The following STK32C variants were observed in gnomAD, a reference collection of about 807,000 sequenced individuals.
STK32C encodes serine/threonine kinase 32C, also known as serine/threonine-protein kinase 32C.
A neutral mutation model predicts 56.5 loss-of-function variants in STK32C; 31 were observed. That is an observed-to-expected ratio of 0.55 (90% CI 0.41 to 0.74). The LOEUF (loss-of-function observed/expected upper bound fraction) is 0.74, where lower values mean the gene tolerates loss of function less well. Among genes scored for constraint, STK32C ranks in the 30% least tolerant of loss-of-function variants. STK32C has a pLI of 0.00. For missense variants in STK32C, 544 were observed against 676.9 expected (o/e 0.80, Z 2.18); for synonymous variants, 309 against 289.4 (o/e 1.07, Z -0.69).
intron 1 of STK32C, among the ~76,000 whole-genome samples, chr10:132,272,327 C>T (rs1189518417): frequency 6.6e-6 from 1 of 152,248 alleles, no homozygotes; most frequent in African/African-American, 2.4e-5. Flanking sequence ...CCTGCCGGCG[C>T]GTGGTCTCGG....
At chr10:132,316,146 G>A (rs2066305198) in intron 1 of STK32C, among the ~76,000 whole-genome samples, 1 of 152,014 alleles carries the variant, frequency 6.6e-6, no homozygotes, top group African/African-American at 2.4e-5. Flanking sequence ...GAAACATCTT[G>A]TTGCATGCCA....
intron 1 of STK32C, among the ~76,000 whole-genome samples, chr10:132,328,276 G>A (rs369133268): frequency 1.4e-4 from 22 of 152,182 alleles, no homozygotes; most frequent in Non-Finnish European, 2.1e-4. Flanking sequence ...ATAGGGGGTC[G>A]AAGTGAGGTT....
At chr10:132,250,988 T>G (rs1291897751) in intron 1 of STK32C, among the ~76,000 whole-genome samples, 1 of 152,174 alleles carries the variant, frequency 6.6e-6, no homozygotes, top group Non-Finnish European at 1.5e-5. Flanking sequence ...GCGGTCTGCA[T>G]AGCAGAGGCC....
At chr10:132,266,199 G>A (rs2064518130) in intron 1 of STK32C, among the ~76,000 whole-genome samples, 1 of 152,224 alleles carries the variant, frequency 6.6e-6, no homozygotes, top group African/African-American at 2.4e-5. Context: ...GAATCTCAAA[G>A]GTGTTACATT....
chr10:132,317,000 CAAA>C (rs71472739), intron 1 of STK32C, among the ~76,000 whole-genome samples: 3 of 81,718 alleles, frequency 3.7e-5, no homozygotes, highest in Non-Finnish European at 4.6e-5. Context: ...GACTCCATCT[CAAA>C]AAAAAAAAAA....
At chr10:132,212,787 C>A (rs774875276) in intron 10 of STK32C, among the ~76,000 whole-genome samples, 1 of 152,218 alleles carries the variant, frequency 6.6e-6, no homozygotes, top group Non-Finnish European at 1.5e-5. Flanking sequence ...CCCATCCCTG[C>A]GACAGGAAAA....
In STK32C at chr10:132,225,788, G is replaced by A. The variant is rs780553581; in HGVS notation, c.645-4C>T. Reference sequence around the variant, plus strand: ...AATGTTGTCAGGCTTGACATCTCTAGAAAGAGCAGAAAGTGGGAAGGTGAG... The same window carrying A: ...AATGTTGTCAGGCTTGACATCTCTAAAAAGAGCAGAAAGTGGGAAGGTGAG... On this transcript the variant is annotated splice_polypyrimidine_tract_variant and splice_region_variant and intron_variant, in intron 4 of 11. Coordinates refer to ENST00000298630, the MANE Select transcript of STK32C (RefSeq NM_173575.4). 2.5e-6 allele frequency: 4 copies of A among 1,614,032 alleles called. No individual in the cohort carries two copies. The highest frequency in any genetic ancestry group is 3.4e-6 in the Non-Finnish European group (4 of 1,180,010).
exon 1 of STK32C, chr10:132,331,828 C>A (rs1188567619): frequency 6.5e-7 from 1 of 1,542,290 alleles, no homozygotes; most frequent in Non-Finnish European, 8.8e-7. Flanking sequence ...CCCTTCAAGG[C>A]CGCGGGCGCG....
At chr10:132,232,710 C>T (rs956359464) in intron 2 of STK32C, among the ~76,000 whole-genome samples, 6 of 151,890 alleles carry the variant, frequency 4.0e-5, no homozygotes, top group East Asian at 1.9e-4. Flanking sequence ...TCCTATGAAA[C>T]GCCACTGATG....
chr10:132,316,018 T>C (rs1374176207), intron 1 of STK32C, among the ~76,000 whole-genome samples: 1 of 152,168 alleles, frequency 6.6e-6, no homozygotes, highest in Non-Finnish European at 1.5e-5. Flanking sequence ...TAATAAAATG[T>C]ATGAGATGCA....
intron 1 of STK32C, among the ~76,000 whole-genome samples, chr10:132,258,688 C>CTT (rs2064206903): frequency 6.6e-6 from 1 of 152,238 alleles, no homozygotes. Context: ...TCCACGCTGA[C>CTT]GCTGTGAGGG....
rs201250732 is a variant in STK32C at position 132,225,626 on chromosome 10, G to C, written c.683-10C>G. 2.5e-5 allele frequency: 41 copies of C among 1,610,500 alleles called. No individual in the cohort carries two copies. In the East Asian group the frequency reaches 8.3e-4, roughly 32 times the overall value. The stretch of plus-strand genomic sequence containing the variant: ...GTCAGGTGTGCATGTCCTGTGCAGA[G>C]AGGGGTCAGGTGTGGCTGTCCCAGG... On this transcript the variant is annotated splice_polypyrimidine_tract_variant and intron_variant, in intron 5 of 11. Transcript: ENST00000298630.
intron 1 of STK32C, among the ~76,000 whole-genome samples, chr10:132,280,617 G>GACACT (rs1564772887): frequency 5.7e-5 from 8 of 141,244 alleles, no homozygotes. Context: ...CTGTGACCAC[G>GACACT]CCCCTGCACT....
chr10:132,208,087 C>T lies in STK32C; in HGVS notation c.1384G>A (p.Glu462Lys), dbSNP rs765006642. Residue 462 changes from glutamate (E) to lysine (K), a missense_variant, in exon 12 of 12, where the codon GAG becomes AAG. By Grantham distance (56) the Glu-to-Lys change is moderately conservative (BLOSUM62 1). Transcript: ENST00000298630. ...CGTTCCGCCTCGTCCTCCACAGGCT[C>T]CGCAGCATCCCTGGACTCAGGGGCG... ...LPAPESRDAA[E>K]PVEDEAERSA... The T allele has an allele frequency of 2.3e-6, 3 of 1,311,270 alleles. No homozygotes were observed. In the Admixed American group the frequency reaches 9.2e-5, roughly 40 times the overall value. 81.2% of individuals were successfully genotyped at this position (1,311,270 alleles called of 1,614,324 possible).
chr10:132,232,278 G>A (rs2063130269), intron 2 of STK32C, among the ~76,000 whole-genome samples: 1 of 152,152 alleles, frequency 6.6e-6, no homozygotes, highest in Non-Finnish European at 1.5e-5. Flanking sequence ...GGTTTGGGGT[G>A]GTGTGGGGTT....
At chr10:132,318,209 A>C (rs1831969743) in intron 1 of STK32C, among the ~76,000 whole-genome samples, 1 of 152,026 alleles carries the variant, frequency 6.6e-6, no homozygotes, top group South Asian at 2.1e-4. Context: ...TGGAGGTTGC[A>C]GTGAGCCAAG....
At position 132,255,432 on chromosome 10, in the gene STK32C, G is replaced by A. The variant is rs1357225477; in HGVS notation, c.263-9477C>T. On this transcript the variant is annotated intron_variant, in intron 1 of 11. Transcript: ENST00000298630. This position sits in a 1 kb window ranked among gnomAD's most constrained non-coding sequence, Gnocchi z 4.6. The stretch of plus-strand genomic sequence containing the variant: ...CACCTCACAGACCCCTCACCCTCTT[G>A]CCATGGCCTGCGGGAACAAAGACCC... Among the ~76,000 whole-genome samples the A allele has an allele frequency of 1.3e-5, 2 of 152,136 alleles. No individual in the cohort carries two copies. The highest frequency in any genetic ancestry group is 2.9e-5 in the Non-Finnish European group (2 of 68,022).
chr10:132,305,651 C>T (rs914201958), intron 1 of STK32C, among the ~76,000 whole-genome samples: 1 of 152,240 alleles, frequency 6.6e-6, no homozygotes, highest in Non-Finnish European at 1.5e-5. Flanking sequence ...TCCTTCCAAA[C>T]TGAATCCCTT....
intron 2 of STK32C, among the ~76,000 whole-genome samples, chr10:132,233,087 G>A (rs906109527): frequency 1.3e-5 from 2 of 152,144 alleles, no homozygotes; most frequent in African/African-American, 2.4e-5. Context: ...GCCTGGGGAC[G>A]TGGGGACAGC....
Sources: gnomAD v4.1 joint callset for allele counts (sites outside exome capture counted in the v4.1 genomes callset) on GRCh38, gnomAD v4.1.1 for gene constraint, Gnocchi (gnomAD v3.1) non-coding constraint, MANE v1.5 for transcripts, NCBI Gene and HGNC (gene_info 2026-07-23, HGNC 2026-07-21) for gene names.